The following PRICKLE4 variants were observed in gnomAD, a reference collection of about 807,000 sequenced individuals.
PRICKLE4 encodes prickle planar cell polarity protein 4.
Under a neutral mutation model 43.5 loss-of-function variants are expected in PRICKLE4, and 40 were observed. The ratio of observed to expected loss-of-function variants is 0.92; its 90% CI spans 0.71 to 1.20. The LOEUF (loss-of-function observed/expected upper bound fraction) is 1.20. Ranked by LOEUF, PRICKLE4 falls within the 50% of genes most tolerant of loss-of-function variation. PRICKLE4 has a pLI of 0.00. For synonymous variants in PRICKLE4, 208 were observed against 197.4 expected (o/e 1.05, Z -0.45); for missense variants, 527 against 491.2 (o/e 1.07, Z -0.69).
rs1277877787 is a variant in PRICKLE4, at chr6:41,786,232, C to G, written c.687C>G (p.Ala229=). Reference sequence around the variant, plus strand: ...GGCCTCTGGGCGGGGGACGTTATGCCCTGCCTGGGGGAAGCCCCTGCTGCC... The same window carrying G: ...GGCCTCTGGGCGGGGGACGTTATGCGCTGCCTGGGGGAAGCCCCTGCTGCC... ...CAGPLGGGRY[A]LPGGSPCCPS... The change falls in exon 7 of 8, where the codon GCC becomes GCG. Residue 229 remains alanine (A), a synonymous_variant. Transcript: ENST00000458694. The G allele has an allele frequency of 3.1e-6, 5 of 1,604,516 alleles. No homozygotes were observed. The South Asian group carries it at 4.4e-5, about 14-fold the overall frequency.
In PRICKLE4 at chr6:41,782,383, C is replaced by CTTTT. The variant is rs1444866176; in HGVS notation, c.-13+865_-13+866insTTTT. On this transcript the variant is annotated intron_variant, in intron 2 of 7. Transcript: ENST00000458694. The stretch of plus-strand genomic sequence containing the variant: ...CACTGTGCCCAGCCAATGGTCACTT[C>CTTTT]TTCTTTTTTTTTTTTTTTTTTTTTG... Among the ~76,000 whole-genome samples the CTTTT allele has an allele frequency of 5.1e-3, 361 of 70,368 alleles. 20 individuals carry two copies. The highest frequency in any genetic ancestry group is 7.5e-3 in the Non-Finnish European group (281 of 37,570). The allele number at this position is 70,368 out of a possible 152,430, so 46.2% of individuals were successfully genotyped here.
chr6:41,785,759 A>G (rs972207186), intron 6 of PRICKLE4, among the ~76,000 whole-genome samples: 2 of 152,160 alleles, frequency 1.3e-5, no homozygotes, highest in African/African-American at 4.8e-5. Context: ...GAGTCCCTCA[A>G]ATGTTCCTGG....
At chr6:41,784,843 C>G in intron 4 of PRICKLE4, 92 bp from the exon 5 acceptor site, 1 of 1,525,582 alleles carries the variant, frequency 6.6e-7, no homozygotes, top group Admixed American at 1.9e-5. Flanking sequence ...CAACCTTTCT[C>G]TGACCCAGCA....
rs960861821 is a variant in PRICKLE4 at position 41,786,333 on chromosome 6, G to A, written c.787+1G>A. 7 of 1,556,640 alleles carry A rather than the reference G, an allele frequency of 4.5e-6. No homozygotes were observed. The African/African-American group carries it at 5.4e-5, about 12-fold the overall frequency. On this transcript the variant is annotated splice_donor_variant, in intron 7 of 7. Transcript: ENST00000458694. LOFTEE classifies it high-confidence loss of function. ...GCACTGGAAGGGCAGGCATTCCTTG[G>A]TAAGGGAGAGGATGCAGAGCAAAGC...
intron 2 of PRICKLE4, among the ~76,000 whole-genome samples, chr6:41,782,532 G>A (rs1020351468): frequency 4.6e-5 from 7 of 151,836 alleles, no homozygotes; most frequent in Non-Finnish European, 8.8e-5. Context: ...TGGGACTATA[G>A]GCGCCCGCCA....
chr6:41,786,692 C>T (rs1259301229), intron 7 of PRICKLE4, 70 bp from the exon 8 acceptor site: 7 of 1,606,488 alleles, frequency 4.4e-6, no homozygotes, highest in Non-Finnish European at 5.1e-6. Context: ...TGGGCCTCAC[C>T]CCCACTAGCT....
Position 41,784,258 on chromosome 6 carries a change from C to T in PRICKLE4, c.240+20C>T. On this transcript the variant is annotated intron_variant, in intron 4 of 7. Transcript: ENST00000458694. ...ATTGATGTGGGTCTCCTCTCCCCAT[C>T]TTCCCTCTCTTGCCTTTCCCTCCCT... is the stretch of plus-strand genomic sequence containing the variant. The T allele has an allele frequency of 6.5e-7, 1 of 1,544,426 alleles. No individual in the cohort carries two copies. The highest frequency in any genetic ancestry group is 8.9e-7 in the Non-Finnish European group (1 of 1,127,698).
Position 41,787,206 on chromosome 6 carries a change from A to G in PRICKLE4, c.*77A>G. 1 of 1,497,714 alleles carries G rather than the reference A, an allele frequency of 6.7e-7. No individual in the cohort carries two copies. The highest frequency in any genetic ancestry group is 1.4e-5 in the African/African-American group (1 of 71,620). 92.8% of individuals were successfully genotyped at this position (1,497,714 alleles called of 1,614,324 possible). ...GGGAGAACAAGGCTAGCCTCCCCCT[A>G]ACAATCCTAGACTGAGACGCAGTCA... On this transcript the variant is annotated 3_prime_UTR_variant, in exon 8 of 8. Coordinates refer to ENST00000458694, the MANE Select transcript of PRICKLE4 (RefSeq NM_013397.6).
In PRICKLE4 at chr6:41,783,455, G is replaced by C. The variant is rs200105318; in HGVS notation, c.-12-7G>C. The C allele has an allele frequency of 4.4e-5, 65 of 1,478,754 alleles. No homozygotes were observed. Among genetic ancestry groups the C allele is most frequent in the Non-Finnish European group, 6.0e-5 (65 of 1,076,276 alleles). The allele number at this position is 1,478,754 out of a possible 1,614,324, so 91.6% of individuals were successfully genotyped here. A position where few individuals can be genotyped will look rare whatever the true frequency, so the allele number is the denominator to read the frequency against. ...TACATGGAGGTGTTCTTATTGTTTT[G>C]GGGTAGGCTTTGCCACAAATGTCAG... On this transcript the variant is annotated splice_region_variant and splice_polypyrimidine_tract_variant and intron_variant, in intron 2 of 7. Coordinates refer to ENST00000458694, the MANE Select transcript of PRICKLE4 (RefSeq NM_013397.6).
chr6:41,784,880 G>A, intron 4 of PRICKLE4, 55 bp from the exon 5 acceptor site: 1 of 1,606,700 alleles, frequency 6.2e-7, no homozygotes, highest in Non-Finnish European at 8.5e-7. Context: ...TCCAACCAAT[G>A]CTCAATGTTT....
chr6:41,784,038 G>C, intron 3 of PRICKLE4, 93 bp from the exon 4 acceptor site: 2 of 933,110 alleles, frequency 2.1e-6, no homozygotes, highest in Non-Finnish European at 3.3e-6. Context: ...AGCTGCTCTA[G>C]ATTGGAGAAG....
rs1772587651 is a variant in PRICKLE4, at chr6:41,783,613, A to G, written c.132+8A>G. On this transcript the variant is annotated splice_region_variant and intron_variant, in intron 3 of 7. Transcript: ENST00000458694. The stretch of plus-strand genomic sequence containing the variant: ...GAGGATACCCATGCTCAGGTAGTAG[A>G]GTCGTGCCCTTCCTCTGAGACCAAC... The G allele has an allele frequency of 1.2e-6, 2 of 1,613,044 alleles. No homozygotes were observed. The highest frequency in any genetic ancestry group is 2.7e-5 in the African/African-American group (2 of 74,876).
At chr6:41,782,945 GT>G (rs2127305410) in intron 2 of PRICKLE4, among the ~76,000 whole-genome samples, 1 of 152,076 alleles carries the variant, frequency 6.6e-6, no homozygotes, top group African/African-American at 2.4e-5. Context: ...AGCTGGTGTG[GT>G]CACAGAGGCT....
chr6:41,783,847 CTTTG>C, intron 3 of PRICKLE4: 1 of 762,070 alleles, frequency 1.3e-6, no homozygotes, highest in Non-Finnish European at 2.3e-6. Flanking sequence ...ACTCTAGGGG[CTTTG>C]GCCCCAAGGC....
Position 41,786,321 on chromosome 6 carries a change from A to T in PRICKLE4, c.776A>T (p.Gln259Leu). Residue 259 changes from glutamine (Q) to leucine (L), a missense_variant, in exon 7 of 8, where the codon CAG becomes CTG. Coordinates refer to ENST00000458694, the MANE Select transcript of PRICKLE4 (RefSeq NM_013397.6). ...AGCTGGGCCGGGGCACTGGAAGGGC[A>T]GGCATTCCTTGGTAAGGGAGAGGAT... ...GSSWAGALEG[Q>L]AFLGETGLDR... is the part of the protein sequence containing the mutation. The T allele has an allele frequency of 6.4e-7, 1 of 1,563,508 alleles. No individual in the cohort carries two copies. The highest frequency in any genetic ancestry group is 8.7e-7 in the Non-Finnish European group (1 of 1,152,202).
rs184346044 is a variant in PRICKLE4, at chr6:41,782,550, C to T, written c.-12-912C>T. The stretch of plus-strand genomic sequence containing the variant: ...GACTATAGGCGCCCGCCACCACGCC[C>T]GGCTAATTTTTTTAATATTTTTAGT... On this transcript the variant is annotated intron_variant, in intron 2 of 7. Transcript: ENST00000458694. Among the ~76,000 whole-genome samples, 596 of 152,014 alleles carry T rather than the reference C, an allele frequency of 3.9e-3. 4 individuals carry two copies. Among genetic ancestry groups the T allele is most frequent in the African/African-American group, 0.014 (572 of 41,464 alleles).
rs1181993858 is a variant in PRICKLE4 at position 41,783,470 on chromosome 6, A to C, written c.-4A>C. On this transcript the variant is annotated 5_prime_UTR_variant, in exon 3 of 8. Coordinates refer to ENST00000458694, the MANE Select transcript of PRICKLE4 (RefSeq NM_013397.6). Reference sequence around the variant, plus strand: ...TTATTGTTTTGGGGTAGGCTTTGCCACAAATGTCAGTGCAGAACTCTGGCT... The same window carrying C: ...TTATTGTTTTGGGGTAGGCTTTGCCCCAAATGTCAGTGCAGAACTCTGGCT... 4.7e-6 allele frequency: 7 copies of C among 1,496,818 alleles called. No homozygotes were observed. Among genetic ancestry groups the C allele is most frequent in the Non-Finnish European group, 6.4e-6 (7 of 1,088,938 alleles). The allele number at this position is 1,496,818 out of a possible 1,614,324, so 92.7% of individuals were successfully genotyped here. A position where few individuals can be genotyped will look rare whatever the true frequency, so the allele number is the denominator to read the frequency against.
Position 41,784,239 on chromosome 6 carries a change from G to C in PRICKLE4, c.240+1G>C, listed in dbSNP as rs1435388873. On this transcript the variant is annotated splice_donor_variant, in intron 4 of 7. Coordinates refer to ENST00000458694, the MANE Select transcript of PRICKLE4 (RefSeq NM_013397.6). LOFTEE classifies it high-confidence loss of function. ...GCAACTCCCTCCGCAGGACATTGATGTGGGTCTCCTCTCCCCATCTTCCCT... is the reference window on the plus strand; with the variant it reads ...GCAACTCCCTCCGCAGGACATTGATCTGGGTCTCCTCTCCCCATCTTCCCT... 1.9e-6 allele frequency: 3 copies of C among 1,599,852 alleles called. No individual in the cohort carries two copies. The Admixed American group carries it at 5.2e-5, about 28-fold the overall frequency.
chr6:41,782,432 C>G (rs1253770671), intron 2 of PRICKLE4, among the ~76,000 whole-genome samples: 1 of 133,034 alleles, frequency 7.5e-6, no homozygotes, highest in Non-Finnish European at 1.6e-5. Context: ...CTCTGTCGCC[C>G]AGGCTGGAGT....
Sources: gnomAD v4.1 joint callset for allele counts (sites outside exome capture counted in the v4.1 genomes callset) on GRCh38, gnomAD v4.1.1 for gene constraint, MANE v1.5 for transcripts, NCBI Gene and HGNC (gene_info 2026-07-23, HGNC 2026-07-21) for gene names.